Variants in GRIN2A observed in about 807,000 individuals in gnomAD.
The protein encoded by GRIN2A is glutamate receptor ionotropic, NMDA 2A.
In GRIN2A, 22 loss-of-function variants were observed where a neutral mutation model predicts 113.4. The ratio of observed to expected loss-of-function variants is 0.19; its 90% CI spans 0.14 to 0.28. The LOEUF is 0.28. Ranked by LOEUF, GRIN2A falls within the 10% of genes least tolerant of loss-of-function variation. The pLI, the probability that GRIN2A is intolerant of heterozygous loss-of-function variation, is 1.00. For missense variants in GRIN2A, 1,502 were observed against 1,887.0 expected, an observed-to-expected ratio of 0.80 and a Z score of 3.78; for synonymous variants, 827 against 738.4, an observed-to-expected ratio of 1.12 and a Z score of -1.94.
intron 2 of GRIN2A, among the ~76,000 whole-genome samples, chr16:10,108,526 A>G (rs1392533178): frequency 6.6e-6 from 1 of 152,126 alleles, no homozygotes; most frequent in African/African-American, 2.4e-5. Flanking sequence ...CAGAACTCAA[A>G]CCCCAGGCCT....
At position 9,789,553 on chromosome 16, in the gene GRIN2A, T is replaced by C. The variant is rs1028270340; in HGVS notation, c.2356+8724A>G. Among the ~76,000 whole-genome samples the C allele has an allele frequency of 1.4e-4, 21 of 149,616 alleles. No homozygotes were observed. The East Asian group carries it at 3.8e-3, about 27-fold the overall frequency. On this transcript the variant is annotated intron_variant, in intron 11 of 12. Coordinates refer to ENST00000330684, the MANE Select transcript of GRIN2A (RefSeq NM_001134407.3). The stretch of plus-strand genomic sequence containing the variant: ...GTTGATAAGATATATGAAACATACA[T>C]ACACACACACACACACACACACACA...
chr16:9,867,800 C>T (rs897515581), intron 4 of GRIN2A, among the ~76,000 whole-genome samples: 1 of 152,088 alleles, frequency 6.6e-6, no homozygotes, highest in African/African-American at 2.4e-5. Flanking sequence ...CTTTCCTCTC[C>T]CTCTTGCCCC....
intron 9 of GRIN2A, among the ~76,000 whole-genome samples, chr16:9,825,360 CCAAA>C (rs1300625249): frequency 7.9e-5 from 12 of 152,152 alleles, no homozygotes; most frequent in Admixed American, 7.9e-4. Context: ...GACATTTCAG[CCAAA>C]CAATGAAGCC....
intron 10 of GRIN2A, chr16:9,805,585 A>G (rs2041950211): frequency 6.6e-6 from 1 of 152,240 alleles, no homozygotes; most frequent in African/African-American, 2.4e-5. Context: ...TATCTTCACC[A>G]GCTCCATGAG....
Position 9,834,109 on chromosome 16 carries a change from C to T in GRIN2A, c.1773G>A (p.Gly591=), listed in dbSNP as rs868177436. ...PVGYNRNLAK[G]KAPHGPSFTI... is the part of the protein sequence containing the mutation. ...TGCTCATGAAGGTACCCTTACCTTT[C>T]CCTTTGGCTAAGTTTCTGTTGTATC... The change falls in exon 8 of 13, where the codon GGG becomes GGA. Residue 591 remains glycine (G), a synonymous_variant. Coordinates refer to ENST00000330684, the MANE Select transcript of GRIN2A (RefSeq NM_001134407.3). 3 of 1,613,690 alleles carry T rather than the reference C, an allele frequency of 1.9e-6. No individual in the cohort carries two copies. The highest frequency in any genetic ancestry group is 2.2e-5 in the East Asian group (1 of 44,872).
chr16:9,941,750 A>G (rs1272272854), intron 2 of GRIN2A, among the ~76,000 whole-genome samples: 1 of 152,218 alleles, frequency 6.6e-6, no homozygotes, highest in African/African-American at 2.4e-5. Flanking sequence ...AATAATGATC[A>G]TAGTAAACAT....
intron 2 of GRIN2A, among the ~76,000 whole-genome samples, chr16:9,988,137 T>A (rs532498012): frequency 6.6e-6 from 1 of 152,046 alleles, no homozygotes; most frequent in Non-Finnish European, 1.5e-5. Context: ...GAATACCAGA[T>A]CTCAAGAGAA....
chr16:10,173,021 C>G (rs1307568577), intron 2 of GRIN2A, among the ~76,000 whole-genome samples: 1 of 152,178 alleles, frequency 6.6e-6, no homozygotes, highest in Non-Finnish European at 1.5e-5. Flanking sequence ...GCAAACCCAC[C>G]AGACCACAGC....
At chr16:9,811,332 C>T (rs947148088) in intron 10 of GRIN2A, among the ~76,000 whole-genome samples, 5 of 152,200 alleles carry the variant, frequency 3.3e-5, no homozygotes, top group Admixed American at 2.6e-4. Context: ...TGTTAACCTT[C>T]AGACGAACTG....
chr16:9,767,417 A>G (rs1048860019), intron 12 of GRIN2A, among the ~76,000 whole-genome samples: 2 of 152,054 alleles, frequency 1.3e-5, no homozygotes, highest in African/African-American at 2.4e-5. Flanking sequence ...TATTTTTATT[A>G]TTATACTTTA....
Position 9,937,942 on chromosome 16 carries a change from A to G in GRIN2A, c.1007+17T>C, listed in dbSNP as rs1210464660. On this transcript the variant is annotated intron_variant, in intron 3 of 12. Transcript: ENST00000330684. ...AAACTCTGATCCCACTTTGGGAGAC[A>G]ACAAGCCCTTTCTTACGGGTGCAAG... The G allele has an allele frequency of 6.3e-7, 1 of 1,581,056 alleles. No individual in the cohort carries two copies. The highest frequency in any genetic ancestry group is 8.7e-7 in the Non-Finnish European group (1 of 1,150,326).
chr16:9,881,827 G>A (rs748032616), intron 4 of GRIN2A, among the ~76,000 whole-genome samples: 5 of 152,114 alleles, frequency 3.3e-5, no homozygotes, highest in African/African-American at 9.7e-5. Flanking sequence ...TCTCCCTGCC[G>A]GTAGAATGTG....
intron 4 of GRIN2A, among the ~76,000 whole-genome samples, chr16:9,871,704 T>G (rs980035030): frequency 5.3e-5 from 8 of 152,196 alleles, no homozygotes; most frequent in African/African-American, 1.9e-4. Context: ...GGGGTTGTAG[T>G]GAACATAAAA....
intron 2 of GRIN2A, among the ~76,000 whole-genome samples, chr16:10,071,845 C>T (rs985752101): frequency 1.6e-4 from 25 of 152,182 alleles, no homozygotes; most frequent in African/African-American, 6.0e-4. Flanking sequence ...TGTTTATATG[C>T]ATCATCTTGT....
chr16:9,930,986 C>T (rs1400830005), intron 3 of GRIN2A, among the ~76,000 whole-genome samples: 1 of 152,192 alleles, frequency 6.6e-6, no homozygotes, highest in Non-Finnish European at 1.5e-5. Flanking sequence ...CTTCATAACT[C>T]AAGAAGTCAA....
intron 2 of GRIN2A, among the ~76,000 whole-genome samples, chr16:10,038,390 T>C (rs946706167): frequency 1.3e-5 from 2 of 152,074 alleles, no homozygotes; most frequent in African/African-American, 4.8e-5. Flanking sequence ...TAGACCTGTG[T>C]TTCTTAACCC....
intron 3 of GRIN2A, among the ~76,000 whole-genome samples, chr16:9,909,898 A>G (rs145822938): frequency 8.3e-4 from 127 of 152,338 alleles, no homozygotes; most frequent in African/African-American, 2.9e-3. Flanking sequence ...TGTTAACAAT[A>G]CCACAGAGGG....
At chr16:10,178,780 G>T (rs575185427) in intron 2 of GRIN2A, among the ~76,000 whole-genome samples, 4 of 152,220 alleles carry the variant, frequency 2.6e-5, no homozygotes, top group Admixed American at 2.6e-4. Context: ...CTGATGTGAT[G>T]AATATAAAAG....
intron 3 of GRIN2A, among the ~76,000 whole-genome samples, chr16:9,902,045 CAG>C (rs749434512): frequency 2.6e-5 from 4 of 151,878 alleles, no homozygotes; most frequent in East Asian, 3.8e-4. Flanking sequence ...AGAGAGAAAA[CAG>C]AGGTGGGTTT....
Sources: gnomAD v4.1 joint callset for allele counts (sites outside exome capture counted in the v4.1 genomes callset) on GRCh38, gnomAD v4.1.1 for gene constraint, MANE v1.5 for transcripts, NCBI Gene and HGNC (gene_info 2026-07-23, HGNC 2026-07-21) for gene names.